COL18A1: variants seen among roughly 807,000 people sequenced by gnomAD.
COL18A1 encodes the protein collagen type XVIII alpha 1 chain.
In COL18A1, 133 loss-of-function variants were observed where a neutral mutation model predicts 168.0. The ratio of observed to expected loss-of-function variants is 0.79; its 90% confidence interval spans 0.69 to 0.91. The LOEUF (loss-of-function observed/expected upper bound fraction) is 0.91. Ranked by LOEUF, COL18A1 falls within the 40% of genes least tolerant of loss-of-function variation. COL18A1 has a pLI of 0.00. For missense variants in COL18A1, 2,126 were observed against 1,925.4 expected, an observed-to-expected ratio of 1.10 and a Z score of -1.95; for synonymous variants, 949 against 809.0, an observed-to-expected ratio of 1.17 and a Z score of -2.94.
rs760373742 is a variant in COL18A1, at chr21:45,477,467, C to G, written c.985C>G (p.Pro329Ala). 7 of 1,612,018 alleles carry G rather than the reference C, an allele frequency of 4.3e-6. No individual in the cohort carries two copies. The highest frequency in any genetic ancestry group is 5.9e-6 in the Non-Finnish European group (7 of 1,179,242). The change falls in exon 7 of 42, where the codon CCT becomes GCT. Residue 329 changes from proline to alanine, a missense_variant. Pro to Ala is a conservative substitution (Grantham distance 27, BLOSUM62 -1). Transcript: ENST00000651438. ...VSTWDGSVRT[P>A]GGRVKEGGLK... ...CACGTGGGACGGGAGTGTCCGGACCCCTGGGGGCCGCGTGAAAGAGGTAAG... is the reference window on the plus strand; with the variant it reads ...CACGTGGGACGGGAGTGTCCGGACCGCTGGGGGCCGCGTGAAAGAGGTAAG...
At position 45,457,849 on chromosome 21, in the gene COL18A1, C is replaced by T. The variant is rs866355599; in HGVS notation, c.107-10393C>T. Reference sequence around the variant, plus strand: ...GGTTGGTGGGGGTTAGCAGCTGTGCCGGACCTGGAGGTGGGGGTGCCTGCA... The same window carrying T: ...GGTTGGTGGGGGTTAGCAGCTGTGCTGGACCTGGAGGTGGGGGTGCCTGCA... On this transcript the variant is annotated intron_variant, in intron 2 of 41. Coordinates refer to ENST00000651438, the MANE Select transcript of COL18A1 (RefSeq NM_001379500.1). The surrounding 1 kb of genome is among the most constrained non-coding windows in gnomAD (Gnocchi z 4.6). Among the ~76,000 whole-genome samples, 1 of 152,092 alleles carries T rather than the reference C, an allele frequency of 6.6e-6. No homozygotes were observed. The highest frequency in any genetic ancestry group is 1.5e-5 in the Non-Finnish European group (1 of 68,024).
Position 45,511,149 on chromosome 21 carries a change from A to C in COL18A1, c.3732A>C (p.Ser1244=). ...TTCCCAGCTGGGAGGCTCTGTTCTCAGGCTCTGAGGGTCCGCTGAAGCCCG... is the reference window on the plus strand; with the variant it reads ...TTCCCAGCTGGGAGGCTCTGTTCTCCGGCTCTGAGGGTCCGCTGAAGCCCG... ...LLFPSWEALF[S]GSEGPLKPGA... The change falls in exon 41 of 42, where the codon TCA becomes TCC. Residue 1244 remains serine, a synonymous_variant. Transcript: ENST00000651438. 1 of 1,595,308 alleles carries C rather than the reference A, an allele frequency of 6.3e-7. No individual in the cohort carries two copies. The highest frequency in any genetic ancestry group is 8.5e-7 in the Non-Finnish European group (1 of 1,171,974).
intron 2 of COL18A1, among the ~76,000 whole-genome samples, chr21:45,442,228 G>A (rs1363017172): frequency 6.6e-6 from 1 of 152,204 alleles, no homozygotes; most frequent in Non-Finnish European, 1.5e-5. Flanking sequence ...CAGGGTGCAC[G>A]TGAGGAAACC....
intron 9 of COL18A1, among the ~76,000 whole-genome samples, chr21:45,478,719 A>G (rs1057506732): frequency 6.6e-6 from 1 of 152,026 alleles, no homozygotes; most frequent in African/African-American, 2.4e-5. Flanking sequence ...GACTCTGTGA[A>G]GTCCGAGCTT....
At chr21:45,406,665 G>A (rs1244563522) in intron 2 of COL18A1, among the ~76,000 whole-genome samples, 2 of 152,140 alleles carry the variant, frequency 1.3e-5, no homozygotes, top group African/African-American at 4.8e-5. Flanking sequence ...GGCCGCCAGC[G>A]CCCACAGGGC....
chr21:45,476,870 G>A (rs903619044), intron 6 of COL18A1, among the ~76,000 whole-genome samples: 2 of 151,424 alleles, frequency 1.3e-5, no homozygotes, highest in African/African-American at 4.9e-5. Flanking sequence ...TTGTGTGTAT[G>A]TGTGTGATGT....
At chr21:45,465,012 C>A (rs1162915488) in intron 2 of COL18A1, among the ~76,000 whole-genome samples, 1 of 152,180 alleles carries the variant, frequency 6.6e-6, no homozygotes, top group African/African-American at 2.4e-5. Flanking sequence ...AATGGGATTG[C>A]CCTGTGTCTG....
Position 45,506,656 on chromosome 21 carries a change from C to T in COL18A1, c.3216+690C>T, listed in dbSNP as rs564074999. ...TGCCGCCGAAACGGCCTGTGACATC[C>T]GTGGGAGCCTCCATGGCAGAACACT... is the stretch of plus-strand genomic sequence containing the variant. On this transcript the variant is annotated intron_variant, in intron 37 of 41. Coordinates refer to ENST00000651438, the MANE Select transcript of COL18A1 (RefSeq NM_001379500.1). 4.7e-5 allele frequency: 8 copies of T among 170,914 alleles called. No homozygotes were observed. The South Asian group carries it at 6.6e-4, about 14-fold the overall frequency. The allele number at this position is 170,914 out of a possible 1,614,324, so 10.6% of individuals were successfully genotyped here.
Position 45,457,042 on chromosome 21 carries a change from C to A in COL18A1, c.107-11200C>A, listed in dbSNP as rs374999005. 2.6e-4 allele frequency among the ~76,000 whole-genome samples: 40 copies of A among 152,308 alleles called. No homozygotes were observed. The highest frequency in any genetic ancestry group is 9.6e-4 in the African/African-American group (40 of 41,578). On this transcript the variant is annotated intron_variant, in intron 2 of 41. Transcript: ENST00000651438. This position sits in a 1 kb window ranked among gnomAD's most constrained non-coding sequence, Gnocchi z 4.6. Reference sequence around the variant, plus strand: ...GTGGGAGAGCTGGGAGTGAGGCCTCCTGTGTGGGGAGGAGGCCGGCGTCTG... The same window carrying A: ...GTGGGAGAGCTGGGAGTGAGGCCTCATGTGTGGGGAGGAGGCCGGCGTCTG...
chr21:45,499,856 G>A (rs892471351), intron 32 of COL18A1, among the ~76,000 whole-genome samples: 2 of 152,226 alleles, frequency 1.3e-5, no homozygotes, highest in Non-Finnish European at 2.9e-5. Context: ...AGAGAAAAAG[G>A]AATGCAGAAC....
chr21:45,499,868 C>T (rs1293484498), intron 32 of COL18A1, among the ~76,000 whole-genome samples: 3 of 152,172 alleles, frequency 2.0e-5, no homozygotes, highest in South Asian at 2.1e-4. Flanking sequence ...ATGCAGAACA[C>T]GTGGGATGAA....
Position 45,490,839 on chromosome 21 carries a change from C to T in COL18A1, c.2035C>T (p.Pro679Ser). ...GREGIAGPQG[P>S]KGDRGSRGEK... ...CATTTCCTTCCTGTCTCTCCAGGGG[C>T]CAAAGGGAGACAGAGGCAGCCGGGG... The change falls in exon 21 of 42, where the codon CCA becomes TCA. Residue 679 changes from proline to serine, a missense_variant. By Grantham distance (74) the Pro-to-Ser change is moderately conservative (BLOSUM62 -1). Coordinates refer to ENST00000651438, the MANE Select transcript of COL18A1 (RefSeq NM_001379500.1). The T allele has an allele frequency of 1.3e-6, 2 of 1,550,188 alleles. No individual in the cohort carries two copies. Among genetic ancestry groups the T allele is most frequent in the South Asian group, 1.2e-5 (1 of 84,052 alleles).
chr21:45,419,620 C>T (rs578204807), intron 2 of COL18A1: 1 of 152,316 alleles, frequency 6.6e-6, no homozygotes, highest in Admixed American at 6.5e-5. Context: ...TGCCAGGAAG[C>T]CTGGCTGGCG....
chr21:45,442,325 A>G (rs1452028754), intron 2 of COL18A1, among the ~76,000 whole-genome samples: 1 of 151,984 alleles, frequency 6.6e-6, no homozygotes, highest in African/African-American at 2.4e-5. Context: ...CATGATGAAA[A>G]CCGTGAAGCC....
intron 2 of COL18A1, chr21:45,467,506 C>A: frequency 1.1e-6 from 1 of 915,654 alleles, no homozygotes; most frequent in Non-Finnish European, 1.3e-6. Context: ...TACAGCTTGT[C>A]CTTGCCACAT....
intron 3 of COL18A1, among the ~76,000 whole-genome samples, chr21:45,470,063 G>A (rs985370022): frequency 2.0e-5 from 3 of 152,276 alleles, no homozygotes; most frequent in Admixed American, 1.3e-4. Flanking sequence ...TAGGAAAAGC[G>A]GCTGAGTGCC....
chr21:45,453,597 T>C (rs2034705158), intron 2 of COL18A1, among the ~76,000 whole-genome samples: 1 of 151,830 alleles, frequency 6.6e-6, no homozygotes, highest in South Asian at 2.1e-4. Flanking sequence ...TGCTTGGAGG[T>C]GAGGGAACCC....
chr21:45,427,518 C>T (rs1307731213), intron 2 of COL18A1, among the ~76,000 whole-genome samples: 1 of 152,220 alleles, frequency 6.6e-6, no homozygotes, highest in Non-Finnish European at 1.5e-5. Flanking sequence ...CCCAGGCAGG[C>T]CCCCTCTTGC....
chr21:45,480,394 G>A (rs1233025422), intron 11 of COL18A1, 73 bp from the exon 12 acceptor site: 3 of 1,612,680 alleles, frequency 1.9e-6, no homozygotes, highest in Non-Finnish European at 2.5e-6. Context: ...GCAGCTTGCG[G>A]GGCAGGGGCC....
Sources: gnomAD v4.1 joint callset for allele counts (sites outside exome capture counted in the v4.1 genomes callset) on GRCh38, gnomAD v4.1.1 for gene constraint, Gnocchi (gnomAD v3.1) non-coding constraint, MANE v1.5 for transcripts, NCBI Gene and HGNC (gene_info 2026-07-23, HGNC 2026-07-21) for gene names.